TUBGCP4: variants seen among roughly 807,000 people sequenced by gnomAD.
TUBGCP4 encodes gamma-tubulin complex component 4.
Under a neutral mutation model 91.6 loss-of-function variants are expected in TUBGCP4, and 54 were observed. The ratio of observed to expected loss-of-function variants is 0.59; its 90% CI spans 0.47 to 0.74. TUBGCP4 has a LOEUF of 0.74. Among genes scored for constraint, TUBGCP4 ranks in the 30% least tolerant of loss-of-function variants. The pLI, the probability that TUBGCP4 is intolerant of heterozygous loss-of-function variation, is 0.00. For synonymous variants in TUBGCP4, 297 were observed against 302.8 expected, an observed-to-expected ratio of 0.98 and a Z score of 0.20; for missense variants, 593 against 800.9, an observed-to-expected ratio of 0.74 and a Z score of 3.13.
At chr15:43,385,352 C>G (rs1204997473) in intron 7 of TUBGCP4, 1 of 455,926 alleles carries the variant, frequency 2.2e-6, no homozygotes, top group Non-Finnish European at 4.4e-6. Flanking sequence ...TTAAAACTAT[C>G]TGTTACACTG....
rs2045016547 is a variant in TUBGCP4 at position 43,408,840 on chromosome 15, C to T, written c.*3626C>T. ...TACTCTCTCACCTAGATTCTCTTCC[C>T]TCCAAAGCTTGCTGTCCTCCTGCCT... On this transcript the variant is annotated 3_prime_UTR_variant, in exon 18 of 18. Coordinates refer to ENST00000564079, the MANE Select transcript of TUBGCP4 (RefSeq NM_014444.5). 2.6e-6 allele frequency: 4 copies of T among 1,555,420 alleles called. No individual in the cohort carries two copies. Among genetic ancestry groups the T allele is most frequent in the East Asian group, 2.3e-5 (1 of 44,350 alleles).
chr15:43,383,212 C>A, intron 6 of TUBGCP4, 91 bp from the exon 7 acceptor site: 3 of 1,063,764 alleles, frequency 2.8e-6, no homozygotes, highest in Non-Finnish European at 4.0e-6. Context: ...TTGGTTATTT[C>A]TGTTATGACT....
intron 9 of TUBGCP4, among the ~76,000 whole-genome samples, chr15:43,390,789 G>A (rs570716078): frequency 4.6e-5 from 7 of 152,028 alleles, no homozygotes; most frequent in South Asian, 2.1e-4. Context: ...GATTATAGGC[G>A]TGAGCCACTG....
chr15:43,404,932 TAAACTTTAAAAA>T (rs1164327997), intron 17 of TUBGCP4: 7 of 532,160 alleles, frequency 1.3e-5, no homozygotes, highest in Non-Finnish European at 2.3e-5. Context: ...CTTCTAACTC[TAAACTTTAAAAA>T]AAACTGATAC....
intron 17 of TUBGCP4, 74 bp downstream of exon 17, chr15:43,404,626 GGAA>G (rs2044796160): frequency 6.6e-7 from 1 of 1,507,582 alleles, no homozygotes; most frequent in Non-Finnish European, 9.1e-7. Context: ...TTCTAGAACT[GGAA>G]GAAGACTTTA....
Position 43,408,708 on chromosome 15 carries a change from A to C in TUBGCP4, c.*3494A>C. Reference sequence around the variant, plus strand: ...TATACAAATCTTCACACATTTGCAAAAGGTTCCTAGCCAATGTAACCTAGG... The same window carrying C: ...TATACAAATCTTCACACATTTGCAACAGGTTCCTAGCCAATGTAACCTAGG... On this transcript the variant is annotated 3_prime_UTR_variant, in exon 18 of 18. Transcript: ENST00000564079. 1 of 597,924 alleles carries C rather than the reference A, an allele frequency of 1.7e-6. No individual in the cohort carries two copies. The highest frequency in any genetic ancestry group is 2.9e-6 in the Non-Finnish European group (1 of 340,276). The allele number at this position is 597,924 out of a possible 1,614,324, so 37.0% of individuals were successfully genotyped here.
chr15:43,387,711 C>T (rs1184992293), intron 9 of TUBGCP4, among the ~76,000 whole-genome samples: 1 of 152,028 alleles, frequency 6.6e-6, no homozygotes, highest in East Asian at 1.9e-4. Context: ...ATCCTCCCAC[C>T]TCAGCCTCCC....
chr15:43,399,900 T>G, intron 13 of TUBGCP4, 144 bp from the exon 14 acceptor site: 1 of 544,678 alleles, frequency 1.8e-6, no homozygotes, highest in East Asian at 2.9e-5. Flanking sequence ...TAAATTATAA[T>G]TTATTTGTCT....
chr15:43,373,585 A>G (rs1429770268), intron 1 of TUBGCP4, among the ~76,000 whole-genome samples: 4 of 152,108 alleles, frequency 2.6e-5, no homozygotes, highest in East Asian at 3.9e-4. Context: ...TAAGCTTTCA[A>G]GCAAGTAAGA....
chr15:43,372,823 T>G (rs914124407), intron 1 of TUBGCP4, among the ~76,000 whole-genome samples: 1 of 152,216 alleles, frequency 6.6e-6, no homozygotes, highest in Admixed American at 6.5e-5. Context: ...CTTGTTTATT[T>G]CCCTTGTAGG....
intron 6 of TUBGCP4, among the ~76,000 whole-genome samples, chr15:43,383,015 T>C (rs2044307094): frequency 1.3e-5 from 2 of 152,204 alleles, no homozygotes; most frequent in Non-Finnish European, 2.9e-5. Context: ...ATAAAACAGT[T>C]GTACATATTT....
chr15:43,409,011 G>C lies in TUBGCP4; in HGVS notation c.*3797G>C. 1 of 1,614,184 alleles carries C rather than the reference G, an allele frequency of 6.2e-7. No homozygotes were observed. The highest frequency in any genetic ancestry group is 2.2e-5 in the East Asian group (1 of 44,882). On this transcript the variant is annotated 3_prime_UTR_variant, in exon 18 of 18. Coordinates refer to ENST00000564079, the MANE Select transcript of TUBGCP4 (RefSeq NM_014444.5). The stretch of plus-strand genomic sequence containing the variant: ...ATGGACCCAGACATGAGACACACAA[G>C]GAATCCCACTGGCAAGGCACAGGAA...
rs755646036 is a variant in TUBGCP4, at chr15:43,383,380, A to C, written c.599A>C (p.His200Pro). 1 of 1,614,218 alleles carries C rather than the reference A, an allele frequency of 6.2e-7. No individual in the cohort carries two copies. Among genetic ancestry groups the C allele is most frequent in the Admixed American group, 1.7e-5 (1 of 60,026 alleles). The change falls in exon 7 of 18, where the codon CAT (histidine) becomes CCT (proline). Residue 200 changes from histidine (H) to proline (P), a missense_variant. Coordinates refer to ENST00000564079, the MANE Select transcript of TUBGCP4 (RefSeq NM_014444.5). Reference sequence around the variant, plus strand: ...CTCCATGGACTCCTCTTGGACCAGCATGAAGAATTCTTTATCAAACAGGGG... The same window carrying C: ...CTCCATGGACTCCTCTTGGACCAGCCTGAAGAATTCTTTATCAAACAGGGG... ...WMLHGLLLDQ[H>P]EEFFIKQGPS...
At chr15:43,378,525 T>C (rs2044240878) in intron 5 of TUBGCP4, among the ~76,000 whole-genome samples, 1 of 152,242 alleles carries the variant, frequency 6.6e-6, no homozygotes, top group Non-Finnish European at 1.5e-5. Context: ...AGTCGTCATT[T>C]TTTTTAAGCT....
chr15:43,373,103 T>C (rs955390477), intron 1 of TUBGCP4, among the ~76,000 whole-genome samples: 3 of 152,234 alleles, frequency 2.0e-5, no homozygotes, highest in African/African-American at 7.2e-5. Flanking sequence ...AAAATTATTT[T>C]ATTATATTGA....
rs879375717 is a variant in TUBGCP4, at chr15:43,401,791, T to C, written c.1672T>C (p.Leu558=). 6 of 1,614,088 alleles carry C rather than the reference T, an allele frequency of 3.7e-6. No homozygotes were observed. The highest frequency in any genetic ancestry group is 1.3e-5 in the African/African-American group (1 of 74,940). The change falls in exon 15 of 18, where the codon TTG becomes CTG. Residue 558 remains leucine (L), a synonymous_variant. Coordinates refer to ENST00000564079, the MANE Select transcript of TUBGCP4 (RefSeq NM_014444.5). Reference sequence around the variant, plus strand: ...TACCCGAGACTTTGAAAGCATCCGATTGGCTCATGACCACTTCCTGAGCAA... The same window carrying C: ...TACCCGAGACTTTGAAAGCATCCGACTGGCTCATGACCACTTCCTGAGCAA... The part of the protein sequence containing the change: ...NSTRDFESIR[L]AHDHFLSNLL...
intron 9 of TUBGCP4, among the ~76,000 whole-genome samples, chr15:43,393,514 T>C (rs1007958946): frequency 4.6e-5 from 7 of 152,112 alleles, no homozygotes; most frequent in Non-Finnish European, 1.0e-4. Context: ...GTTACATATG[T>C]ATACATGTGC....
At position 43,380,073 on chromosome 15, in the gene TUBGCP4, AT is replaced by A; in HGVS notation, c.442-7del. ...ATGGAATCCAGTTTGACAAGGCCGT[AT>A]TTTCCACAGATTCATGGTTGTCAAA... On this transcript the variant is annotated splice_polypyrimidine_tract_variant and intron_variant, in intron 5 of 17. Coordinates refer to ENST00000564079, the MANE Select transcript of TUBGCP4 (RefSeq NM_014444.5). The A allele has an allele frequency of 1.2e-6, 2 of 1,613,976 alleles. No homozygotes were observed. Among genetic ancestry groups the A allele is most frequent in the Non-Finnish European group, 1.7e-6 (2 of 1,179,846 alleles).
intron 9 of TUBGCP4, among the ~76,000 whole-genome samples, chr15:43,387,520 G>C (rs1209066793): frequency 1.3e-5 from 2 of 152,160 alleles, no homozygotes; most frequent in Non-Finnish European, 1.5e-5. Context: ...GGAGTGCAAT[G>C]GTGTGATCTC....
Sources: allele counts gnomAD v4.1 joint callset (sites outside exome capture counted in the v4.1 genomes callset), GRCh38; gene constraint gnomAD v4.1.1; transcripts MANE v1.5; gene names NCBI Gene and HGNC (gene_info 2026-07-23, HGNC 2026-07-21).